Variants in ATRNL1 observed in about 807,000 individuals in gnomAD.
ATRNL1 encodes the protein attractin like 1.
In ATRNL1, 95 loss-of-function variants were observed where a neutral mutation model predicts 182.7. That is an observed-to-expected ratio of 0.52 (90% CI 0.44 to 0.62). ATRNL1 has a LOEUF of 0.62. Among genes scored for constraint, ATRNL1 ranks in the 20% least tolerant of loss-of-function variants. The probability of loss-of-function intolerance (pLI) is 0.00; values close to 1 mark genes in which losing one functional copy is unlikely to be tolerated. For missense variants in ATRNL1, 1,471 were observed against 1,679.5 expected (o/e 0.88, Z 2.17); for synonymous variants, 576 against 568.3 (o/e 1.01, Z -0.19).
At chr10:115,110,641 A>G (rs1324226924) in intron 1 of ATRNL1, among the ~76,000 whole-genome samples, 1 of 152,168 alleles carries the variant, frequency 6.6e-6, no homozygotes, top group Non-Finnish European at 1.5e-5. Context: ...TTAAATTTCT[A>G]TGTTTATGGT....
At chr10:115,924,602 G>C (rs190109198) in intron 28 of ATRNL1, among the ~76,000 whole-genome samples, 4 of 152,142 alleles carry the variant, frequency 2.6e-5, no homozygotes, top group Admixed American at 2.0e-4. Flanking sequence ...TGTTCTATTG[G>C]TCTATATGTC....
At chr10:115,117,687 A>G (rs1844551977) in intron 1 of ATRNL1, among the ~76,000 whole-genome samples, 1 of 152,044 alleles carries the variant, frequency 6.6e-6, no homozygotes, top group Non-Finnish European at 1.5e-5. Flanking sequence ...ATTTCAATAT[A>G]TTGATTTCCT....
At chr10:115,311,397 C>G (rs1358557729) in intron 17 of ATRNL1, among the ~76,000 whole-genome samples, 1 of 152,128 alleles carries the variant, frequency 6.6e-6, no homozygotes, top group East Asian at 1.9e-4. Flanking sequence ...CCATGTTGGT[C>G]AGGCTGGTCT....
At chr10:115,865,067 C>G (rs1280196583) in intron 28 of ATRNL1, among the ~76,000 whole-genome samples, 1 of 151,682 alleles carries the variant, frequency 6.6e-6, no homozygotes, top group African/African-American at 2.4e-5. Flanking sequence ...TCAAAAGTGC[C>G]AAGGTCATAA....
intron 8 of ATRNL1, among the ~76,000 whole-genome samples, chr10:115,207,653 T>C (rs1221568818): frequency 2.6e-5 from 4 of 152,070 alleles, no homozygotes; most frequent in Admixed American, 6.6e-5. Context: ...TATAGAATTA[T>C]GGGTTGGCAG....
At chr10:115,520,378 A>G (rs1346373289) in intron 25 of ATRNL1, among the ~76,000 whole-genome samples, 2 of 152,222 alleles carry the variant, frequency 1.3e-5, no homozygotes, top group South Asian at 2.1e-4. Flanking sequence ...ATTAAGGGCC[A>G]GATAGTAAAT....
At chr10:115,834,986 C>T (rs923977576) in intron 27 of ATRNL1, among the ~76,000 whole-genome samples, 1 of 152,134 alleles carries the variant, frequency 6.6e-6, no homozygotes, top group African/African-American at 2.4e-5. Flanking sequence ...CAGTGTCCAC[C>T]AACTGCTTTT....
At chr10:115,814,675 C>T (rs1555087979) in intron 27 of ATRNL1, among the ~76,000 whole-genome samples, 1 of 152,052 alleles carries the variant, frequency 6.6e-6, no homozygotes, top group East Asian at 1.9e-4. Flanking sequence ...CAGGGTAAGG[C>T]AGAAGGACAA....
Position 115,914,374 on chromosome 10 carries a change from A to G in ATRNL1, c.4019-30284A>G, listed in dbSNP as rs575529902. On this transcript the variant is annotated intron_variant, in intron 28 of 28. Transcript: ENST00000355044. ...GAGAGGAAGAAATCTGGTGTTGTCT[A>G]TTACACCTGTGGAAATGATAGGATT... 2.1e-4 allele frequency among the ~76,000 whole-genome samples: 32 copies of G among 152,290 alleles called. 1 individual carries two copies. The highest frequency in any genetic ancestry group is 3.4e-3 in the Middle Eastern group (1 of 294).
intron 24 of ATRNL1, among the ~76,000 whole-genome samples, chr10:115,478,261 T>G (rs1427859678): frequency 6.6e-6 from 1 of 151,730 alleles, no homozygotes; most frequent in East Asian, 1.9e-4. Flanking sequence ...TGCCCTTTGT[T>G]AAACCCTGTA....
intron 19 of ATRNL1, among the ~76,000 whole-genome samples, chr10:115,377,591 G>T (rs141310972): frequency 1.6e-3 from 240 of 152,170 alleles, no homozygotes; most frequent in African/African-American, 5.4e-3. Context: ...AGCTTTTGTG[G>T]TATCATATTT....
intron 21 of ATRNL1, among the ~76,000 whole-genome samples, chr10:115,441,070 G>C (rs1846655600): frequency 6.6e-6 from 1 of 151,530 alleles, no homozygotes; most frequent in African/African-American, 2.4e-5. Flanking sequence ...TATTATCGAG[G>C]AAAGAATAAC....
At position 115,215,800 on chromosome 10, in the gene ATRNL1, T is replaced by C. The variant is rs782019196; in HGVS notation, c.1452T>C (p.His484=). ...YDEITKSIYV[H]GGYKALPGNK... ...AAATAACAAAGTCCATTTATGTTCA[T>C]GGAGGGTATAAAGCATTGCCAGGGA... The change falls in exon 9 of 29, where the codon CAT becomes CAC. Residue 484 remains histidine, a synonymous_variant. Coordinates refer to ENST00000355044, the MANE Select transcript of ATRNL1 (RefSeq NM_207303.4). 3.1e-6 allele frequency: 5 copies of C among 1,609,316 alleles called. No individual in the cohort carries two copies. The South Asian group carries it at 4.4e-5, about 14-fold the overall frequency.
intron 19 of ATRNL1, among the ~76,000 whole-genome samples, chr10:115,358,833 A>G (rs1856614570): frequency 6.6e-6 from 1 of 151,650 alleles, no homozygotes; most frequent in Non-Finnish European, 1.5e-5. Context: ...TTTTAAGGCC[A>G]TAATATTGCA....
chr10:115,911,594 G>A (rs1383472668), intron 28 of ATRNL1, among the ~76,000 whole-genome samples: 4 of 152,138 alleles, frequency 2.6e-5, no homozygotes, highest in Admixed American at 6.5e-5. Context: ...GATTAAAGCC[G>A]TGAGCCACCG....
intron 28 of ATRNL1, among the ~76,000 whole-genome samples, chr10:115,857,556 A>G (rs1555102411): frequency 6.6e-6 from 1 of 152,200 alleles, no homozygotes; most frequent in African/African-American, 2.4e-5. Flanking sequence ...TGTTTTGAGG[A>G]CAGCACAAGC....
intron 27 of ATRNL1, among the ~76,000 whole-genome samples, chr10:115,783,240 A>G (rs1565374728): frequency 2.0e-5 from 3 of 151,976 alleles, no homozygotes; most frequent in Non-Finnish European, 4.4e-5. Context: ...ACACACACAC[A>G]CACACACACA....
chr10:115,111,555 C>T (rs1844256831), intron 1 of ATRNL1, among the ~76,000 whole-genome samples: 1 of 152,154 alleles, frequency 6.6e-6, no homozygotes, highest in Non-Finnish European at 1.5e-5. Context: ...GGGGTGGGAG[C>T]GGCCAGGCCC....
intron 26 of ATRNL1, among the ~76,000 whole-genome samples, chr10:115,682,669 TATGATGATGATG>T (rs144515513): frequency 4.0e-5 from 6 of 149,958 alleles, no homozygotes; most frequent in African/African-American, 9.9e-5. Context: ...AGATAATACA[TATGATGATGATG>T]ATGATGATGA....
Sources: gnomAD v4.1 joint callset for allele counts (sites outside exome capture counted in the v4.1 genomes callset) on GRCh38, gnomAD v4.1.1 for gene constraint, MANE v1.5 for transcripts, NCBI Gene and HGNC (gene_info 2026-07-23, HGNC 2026-07-21) for gene names.